The following ZCCHC14 variants were observed in gnomAD, a reference collection of about 807,000 sequenced individuals.
The protein encoded by ZCCHC14 is zinc finger CCHC domain-containing protein 14.
ZCCHC14 carries 16 observed loss-of-function variants against 85.0 expected under a neutral mutation model. The observed-to-expected ratio is 0.19, with a 90% CI of 0.13 to 0.29. The LOEUF (loss-of-function observed/expected upper bound fraction) is 0.29, where lower values mean the gene tolerates loss of function less well. Ranked by LOEUF, ZCCHC14 falls within the 10% of genes least tolerant of loss-of-function variation. The pLI is 1.00. For missense variants in ZCCHC14, 1,303 were observed against 1,443.5 expected (o/e 0.90, Z 1.58); for synonymous variants, 775 against 630.7 (o/e 1.23, Z -3.43).
In ZCCHC14 at chr16:87,420,754, CCCAT is replaced by C. The variant is rs766608291; in HGVS notation, c.841-42_841-39del. On this transcript the variant is annotated intron_variant, in intron 4 of 12. Coordinates refer to ENST00000671377, the MANE Select transcript of ZCCHC14 (RefSeq NM_015144.3). The surrounding 1 kb of genome is among the most constrained non-coding windows in gnomAD (Gnocchi z 5.0). ...ACAAGGTAGAGGAGGTGTGTCCAGACCCATCCAACACCAGCAGAATTCTGCTACT... is the reference window on the plus strand; with the variant it reads ...ACAAGGTAGAGGAGGTGTGTCCAGACCCAACACCAGCAGAATTCTGCTACT... 6.5e-7 allele frequency: 1 copy of C among 1,544,656 alleles called. No individual in the cohort carries two copies. The highest frequency in any genetic ancestry group is 1.2e-5 in the South Asian group (1 of 84,426).
chr16:87,477,120 C>CAAAAAAAAAAAAAAAAAAA lies in ZCCHC14; in HGVS notation c.570+14530_570+14548dup, dbSNP rs769416913. On this transcript the variant is annotated intron_variant, in intron 1 of 12. Coordinates refer to ENST00000671377, the MANE Select transcript of ZCCHC14 (RefSeq NM_015144.3). Reference sequence around the variant, plus strand: ...AGCCTGACAGAGAGAGACTCAGTCTCAAAAAAAAAAAAAAAAAAAAACAAA... The same window carrying CAAAAAAAAAAAAAAAAAAA: ...AGCCTGACAGAGAGAGACTCAGTCTCAAAAAAAAAAAAAAAAAAAAAAAAAAAAAAAAAAAAAAAACAAA... Among the ~76,000 whole-genome samples, 9 of 40,630 alleles carry CAAAAAAAAAAAAAAAAAAA rather than the reference C, an allele frequency of 2.2e-4. 1 individual carries two copies. The highest frequency in any genetic ancestry group is 1.3e-3 in the African/African-American group (9 of 7,014). The allele number at this position is 40,630 out of a possible 152,430, so 26.7% of individuals were successfully genotyped here.
At chr16:87,454,685 G>C (rs895980510) in intron 2 of ZCCHC14, among the ~76,000 whole-genome samples, 1 of 152,246 alleles carries the variant, frequency 6.6e-6, no homozygotes, top group Non-Finnish European at 1.5e-5. Context: ...AAAATGAAGA[G>C]CAGTGGGAAT....
At chr16:87,465,641 A>T (rs1911484530) in intron 1 of ZCCHC14, among the ~76,000 whole-genome samples, 2 of 152,182 alleles carry the variant, frequency 1.3e-5, no homozygotes, top group Non-Finnish European at 2.9e-5. Context: ...CTCTGCTTCC[A>T]AACTTTAATG....
intron 3 of ZCCHC14, among the ~76,000 whole-genome samples, chr16:87,427,524 T>G (rs1054483471): frequency 6.6e-6 from 1 of 152,220 alleles, no homozygotes; most frequent in African/African-American, 2.4e-5. Context: ...GCGATCCTTG[T>G]GCTTCAGCCA....
At chr16:87,480,951 G>C (rs1382532932) in intron 1 of ZCCHC14, among the ~76,000 whole-genome samples, 4 of 152,192 alleles carry the variant, frequency 2.6e-5, no homozygotes, top group African/African-American at 7.2e-5. Flanking sequence ...GTACGGACAG[G>C]CAGGGGACAG....
chr16:87,480,748 G>A (rs1567543980), intron 1 of ZCCHC14, among the ~76,000 whole-genome samples: 2 of 152,106 alleles, frequency 1.3e-5, no homozygotes, highest in Non-Finnish European at 2.9e-5. Context: ...CAAAGTCTTG[G>A]GCAGAAACAG....
At chr16:87,454,171 A>C (rs1910840730) in intron 2 of ZCCHC14, among the ~76,000 whole-genome samples, 1 of 152,226 alleles carries the variant, frequency 6.6e-6, no homozygotes, top group African/African-American at 2.4e-5. Flanking sequence ...CTGTGGGACA[A>C]GACCAAAGGT....
rs1030833505 is a variant in ZCCHC14, at chr16:87,409,724, C to G, written c.*556G>C. The G allele has an allele frequency of 5.2e-5, 8 of 152,648 alleles. No individual in the cohort carries two copies. Among genetic ancestry groups the G allele is most frequent in the African/African-American group, 1.9e-4 (8 of 41,440 alleles). The allele number at this position is 152,648 out of a possible 1,614,324, so 9.5% of individuals were successfully genotyped here. A position where few individuals can be genotyped will look rare whatever the true frequency, so the allele number is the denominator to read the frequency against. ...ATTGGAGTCTCTTGCACTGACTGTTCTCAGAGGAGTTTGGCTCCCAGAACC... is the reference window on the plus strand; with the variant it reads ...ATTGGAGTCTCTTGCACTGACTGTTGTCAGAGGAGTTTGGCTCCCAGAACC... On this transcript the variant is annotated 3_prime_UTR_variant, in exon 13 of 13. Transcript: ENST00000671377.
intron 3 of ZCCHC14, among the ~76,000 whole-genome samples, chr16:87,432,058 A>C (rs1172467621): frequency 6.6e-6 from 1 of 152,214 alleles, no homozygotes; most frequent in Non-Finnish European, 1.5e-5. Flanking sequence ...TTAGTGGAAA[A>C]AGGATTTGAA....
chr16:87,414,109 C>T (rs1259885744), intron 10 of ZCCHC14, among the ~76,000 whole-genome samples: 2 of 136,566 alleles, frequency 1.5e-5, no homozygotes, highest in East Asian at 2.3e-4. Context: ...CCGACCTGCC[C>T]GGCACACCGG....
At chr16:87,422,326 G>A (rs752660028) in intron 4 of ZCCHC14, among the ~76,000 whole-genome samples, 7 of 152,188 alleles carry the variant, frequency 4.6e-5, no homozygotes, top group Non-Finnish European at 8.8e-5. Flanking sequence ...AAGCATGGGA[G>A]AGCCGTGGGG....
chr16:87,411,380 T>C (rs1219923266), intron 12 of ZCCHC14, 136 bp downstream of exon 12: 2 of 1,512,208 alleles, frequency 1.3e-6, no homozygotes, highest in Non-Finnish European at 1.8e-6. Flanking sequence ...ATCATGAAGA[T>C]TTCCACGCGC....
chr16:87,422,385 G>A (rs1200528462), intron 4 of ZCCHC14, among the ~76,000 whole-genome samples: 1 of 152,140 alleles, frequency 6.6e-6, no homozygotes, highest in African/African-American at 2.4e-5. Flanking sequence ...CCAGGAGAGG[G>A]GAGGATGCGG....
At position 87,427,582 on chromosome 16, in the gene ZCCHC14, C is replaced by T. The variant is rs534933846; in HGVS notation, c.769-3701G>A. 7.2e-5 allele frequency among the ~76,000 whole-genome samples: 11 copies of T among 152,226 alleles called. No homozygotes were observed. The East Asian group carries it at 1.9e-3, about 27-fold the overall frequency. On this transcript the variant is annotated intron_variant, in intron 3 of 12. Transcript: ENST00000671377. ...GAAAGAAAAGATAACACTAAAATAA[C>T]GTCTGGGTGACTTTAAAGGATGGTT...
At chr16:87,414,006 G>C (rs1253320497) in intron 10 of ZCCHC14, among the ~76,000 whole-genome samples, 2 of 152,248 alleles carry the variant, frequency 1.3e-5, no homozygotes, top group South Asian at 2.1e-4. Flanking sequence ...AATGGAAAAT[G>C]AGTATAAAGA....
intron 1 of ZCCHC14, among the ~76,000 whole-genome samples, chr16:87,475,605 C>G (rs539242874): frequency 9.7e-4 from 139 of 143,602 alleles, no homozygotes; most frequent in Admixed American, 1.3e-3. Flanking sequence ...AATGCTATTT[C>G]TAAACGAAGA....
At chr16:87,431,193 G>T (rs1311231232) in intron 3 of ZCCHC14, among the ~76,000 whole-genome samples, 1 of 148,276 alleles carries the variant, frequency 6.7e-6, no homozygotes, top group African/African-American at 2.5e-5. Context: ...AAAAGAAAAG[G>T]CCAGGTACAG....
At chr16:87,425,366 C>T (rs186567390) in intron 3 of ZCCHC14, among the ~76,000 whole-genome samples, 24 of 152,224 alleles carry the variant, frequency 1.6e-4, no homozygotes, top group Admixed American at 1.4e-3. Flanking sequence ...CACCTGAGGT[C>T]AGGAGTTCAA....
rs1220366076 is a variant in ZCCHC14, at chr16:87,409,168, TATCAATACACAGCCTAATACA to T, written c.*1091_*1111del. ...CCAAGTAATTTTTAACGGAATTAAC[TATCAATACACAGCCTAATACA>T]AAAGAAGTTGACAGGAGAAAATTCC... On this transcript the variant is annotated 3_prime_UTR_variant, in exon 13 of 13. Coordinates refer to ENST00000671377, the MANE Select transcript of ZCCHC14 (RefSeq NM_015144.3). 2.0e-5 allele frequency: 3 copies of T among 152,308 alleles called. No individual in the cohort carries two copies. The highest frequency in any genetic ancestry group is 4.4e-5 in the Non-Finnish European group (3 of 68,054). 9.4% of individuals were successfully genotyped at this position (152,308 alleles called of 1,614,324 possible).
Sources: allele counts gnomAD v4.1 joint callset (sites outside exome capture counted in the v4.1 genomes callset), GRCh38; gene constraint gnomAD v4.1.1; non-coding constraint Gnocchi (gnomAD v3.1); transcripts MANE v1.5; gene names NCBI Gene and HGNC (gene_info 2026-07-23, HGNC 2026-07-21).